Variants in PAQR4 observed in about 807,000 individuals in gnomAD.
The protein encoded by PAQR4 is progestin and adipoQ receptor family member 4.
Under a neutral mutation model 20.9 loss-of-function variants are expected in PAQR4, and 26 were observed. That is an observed-to-expected ratio of 1.24 (90% CI 0.91 to 1.73). The LOEUF (loss-of-function observed/expected upper bound fraction) is 1.73, where lower values mean the gene tolerates loss of function less well. Among genes scored for constraint, PAQR4 ranks in the 40% most tolerant of loss-of-function variants. PAQR4 has a pLI of 0.00. For missense variants in PAQR4, 400 were observed against 380.1 expected (o/e 1.05, Z -0.44); for synonymous variants, 193 against 171.6 (o/e 1.12, Z -0.97).
rs745853549 is a variant in PAQR4 at position 2,973,138 on chromosome 16, C to A, written c.*1190C>A. 1.1e-5 allele frequency: 17 copies of A among 1,552,854 alleles called. No homozygotes were observed. The highest frequency in any genetic ancestry group is 1.9e-5 in the Admixed American group (1 of 51,752). On this transcript the variant is annotated 3_prime_UTR_variant, in exon 3 of 3. Coordinates refer to ENST00000318782, the MANE Select transcript of PAQR4 (RefSeq NM_152341.5). ...CACCCCAGCCCCTGGACCTGCTTAC[C>A]TGGGTGTGCACCTGCTCCGGGGGGT...
In PAQR4 at chr16:2,972,459, A is replaced by C; in HGVS notation, c.*511A>C. On this transcript the variant is annotated 3_prime_UTR_variant, in exon 3 of 3. Coordinates refer to ENST00000318782, the MANE Select transcript of PAQR4 (RefSeq NM_152341.5). ...ACTATGGAGTAAGGCATTCAGGACAAAAGGACCAAGGGGGCGTGGACCCGT... is the reference window on the plus strand; with the variant it reads ...ACTATGGAGTAAGGCATTCAGGACACAAGGACCAAGGGGGCGTGGACCCGT... 3 of 698,472 alleles carry C rather than the reference A, an allele frequency of 4.3e-6. No individual in the cohort carries two copies. Among genetic ancestry groups the C allele is most frequent in the South Asian group, 3.9e-5 (2 of 51,572 alleles). 43.3% of individuals were successfully genotyped at this position (698,472 alleles called of 1,614,324 possible). A position where few individuals can be genotyped will look rare whatever the true frequency, so the allele number is the denominator to read the frequency against.
Position 2,972,632 on chromosome 16 carries a change from C to T in PAQR4, c.*684C>T. 1.3e-6 allele frequency: 2 copies of T among 1,535,554 alleles called. No individual in the cohort carries two copies. The highest frequency in any genetic ancestry group is 1.4e-5 in the African/African-American group (1 of 73,140). On this transcript the variant is annotated 3_prime_UTR_variant, in exon 3 of 3. Transcript: ENST00000318782. ...CATACTCCCAACAGCTCCAGGTACC[C>T]ACCGGGGGATGTGCCTGCTCAGGAA...
Position 2,973,270 on chromosome 16 carries a change from G to A in PAQR4, c.*1322G>A, listed in dbSNP as rs1295385357. ...TGTCCAGGGCTAGGGAGTGCCGGATGAAACCAGCTCTGTCCCTGTGCAGGC... is the reference window on the plus strand; with the variant it reads ...TGTCCAGGGCTAGGGAGTGCCGGATAAAACCAGCTCTGTCCCTGTGCAGGC... On this transcript the variant is annotated 3_prime_UTR_variant, in exon 3 of 3. Coordinates refer to ENST00000318782, the MANE Select transcript of PAQR4 (RefSeq NM_152341.5). The A allele has an allele frequency of 5.4e-6, 8 of 1,486,184 alleles. No individual in the cohort carries two copies. In the South Asian group the frequency reaches 6.7e-5, roughly 13 times the overall value. The allele number at this position is 1,486,184 out of a possible 1,614,324, so 92.1% of individuals were successfully genotyped here.
Position 2,973,158 on chromosome 16 carries a change from G to T in PAQR4, c.*1210G>T. 6.5e-7 allele frequency: 1 copy of T among 1,540,040 alleles called. No homozygotes were observed. ...CTTACCTGGGTGTGCACCTGCTCCG[G>T]GGGGTGGAGGTGCTCCCCACAGTCC... On this transcript the variant is annotated 3_prime_UTR_variant, in exon 3 of 3. Transcript: ENST00000318782.
At position 2,973,475 on chromosome 16, in the gene PAQR4, G is replaced by C; in HGVS notation, c.*1527G>C. On this transcript the variant is annotated 3_prime_UTR_variant, in exon 3 of 3. Coordinates refer to ENST00000318782, the MANE Select transcript of PAQR4 (RefSeq NM_152341.5). ...GAGGCAGATTTGAAATAAACTTTTA[G>C]TAAATGTAAGCCTTTCTGGAACTTC... 7 of 1,493,850 alleles carry C rather than the reference G, an allele frequency of 4.7e-6. No homozygotes were observed. Among genetic ancestry groups the C allele is most frequent in the Non-Finnish European group, 6.3e-6 (7 of 1,119,636 alleles). The allele number at this position is 1,493,850 out of a possible 1,614,324, so 92.5% of individuals were successfully genotyped here. A position where few individuals can be genotyped will look rare whatever the true frequency, so the allele number is the denominator to read the frequency against.
rs1044636069 is a variant in PAQR4 at position 2,972,686 on chromosome 16, T to G, written c.*738T>G. 6 of 1,535,738 alleles carry G rather than the reference T, an allele frequency of 3.9e-6. No homozygotes were observed. The African/African-American group carries it at 8.2e-5, about 21-fold the overall frequency. ...TCTTTGCTCCACACAGCATGGGGCT[T>G]CAGCTGCTGGCCCAAGGCCAGGAGC... On this transcript the variant is annotated 3_prime_UTR_variant, in exon 3 of 3. Coordinates refer to ENST00000318782, the MANE Select transcript of PAQR4 (RefSeq NM_152341.5).
At position 2,971,501 on chromosome 16, in the gene PAQR4, C is replaced by A. The variant is rs1229939926; in HGVS notation, c.389-14C>A. On this transcript the variant is annotated splice_polypyrimidine_tract_variant and intron_variant, in intron 2 of 2. Coordinates refer to ENST00000318782, the MANE Select transcript of PAQR4 (RefSeq NM_152341.5). Reference sequence around the variant, plus strand: ...ACAATGACATGCCCTCTCCTGTTCTCTCCTCTTGTGCAGGGGCCCTGCCCA... The same window carrying A: ...ACAATGACATGCCCTCTCCTGTTCTATCCTCTTGTGCAGGGGCCCTGCCCA... The A allele has an allele frequency of 6.3e-7, 1 of 1,579,380 alleles. No homozygotes were observed. Among genetic ancestry groups the A allele is most frequent in the Non-Finnish European group, 8.6e-7 (1 of 1,167,010 alleles).
intron 1 of PAQR4, among the ~76,000 whole-genome samples, chr16:2,970,523 C>G (rs2071956612): frequency 6.6e-6 from 1 of 152,214 alleles, no homozygotes; most frequent in Non-Finnish European, 1.5e-5. Flanking sequence ...GGAGACCTCC[C>G]AGAAAGGGCT....
chr16:2,971,394 AG>A lies in PAQR4; in HGVS notation c.388+19del. ...AACACCCTTGGTGAGTCAGGGCCCA[AG>A]GGATGGGAGCTGGAGCCACCGGCGG... On this transcript the variant is annotated intron_variant, in intron 2 of 2. Transcript: ENST00000318782. The A allele has an allele frequency of 1.2e-6, 2 of 1,603,356 alleles. No individual in the cohort carries two copies. The highest frequency in any genetic ancestry group is 8.5e-7 in the Non-Finnish European group (1 of 1,178,228).
chr16:2,970,331 C>T (rs1451115165), intron 1 of PAQR4: 1 of 164,220 alleles, frequency 6.1e-6, no homozygotes, highest in African/African-American at 2.4e-5. Flanking sequence ...CCGCGGAGCT[C>T]TGCTGACACA....
Position 2,972,170 on chromosome 16 carries a change from CTG to C in PAQR4, c.*226_*227del. 4 of 573,924 alleles carry C rather than the reference CTG, an allele frequency of 7.0e-6. No homozygotes were observed. Among genetic ancestry groups the C allele is most frequent in the Admixed American group, 6.7e-5 (2 of 29,960 alleles). 35.6% of individuals were successfully genotyped at this position (573,924 alleles called of 1,614,324 possible). A position where few individuals can be genotyped will look rare whatever the true frequency, so the allele number is the denominator to read the frequency against. On this transcript the variant is annotated 3_prime_UTR_variant, in exon 3 of 3. Transcript: ENST00000318782. ...CTTTTCCCTCCAAGCTCCTATTTTA[CTG>C]TGTCAGCTGGAAGGAAACCTTTCCC...
rs572756044 is a variant in PAQR4, at chr16:2,972,636, G to A, written c.*688G>A. The A allele has an allele frequency of 2.0e-5, 30 of 1,535,412 alleles. No homozygotes were observed. Among genetic ancestry groups the A allele is most frequent in the Admixed American group, 1.6e-4 (8 of 50,956 alleles). ...CTCCCAACAGCTCCAGGTACCCACC[G>A]GGGGATGTGCCTGCTCAGGAAACCT... On this transcript the variant is annotated 3_prime_UTR_variant, in exon 3 of 3. Coordinates refer to ENST00000318782, the MANE Select transcript of PAQR4 (RefSeq NM_152341.5).
chr16:2,971,257 C>T lies in PAQR4; in HGVS notation c.267C>T (p.Cys89=). ...TGGGAGGCACACATTGCGTGGCCTG[C>T]CTTGCACCCCCTGCAGGCTCCGTGC... The part of the protein sequence containing the change: ...GWLGGTHCVA[C]LAPPAGSVLY... The change falls in exon 2 of 3, where the codon TGC becomes TGT. Residue 89 remains cysteine, a synonymous_variant. Transcript: ENST00000318782. 1 of 1,613,118 alleles carries T rather than the reference C, an allele frequency of 6.2e-7. No individual in the cohort carries two copies. The highest frequency in any genetic ancestry group is 1.1e-5 in the South Asian group (1 of 91,086).
chr16:2,972,812 G>A lies in PAQR4; in HGVS notation c.*864G>A, dbSNP rs1567381148. 1.3e-6 allele frequency: 2 copies of A among 1,538,838 alleles called. No individual in the cohort carries two copies. The highest frequency in any genetic ancestry group is 1.4e-5 in the African/African-American group (1 of 72,792). On this transcript the variant is annotated 3_prime_UTR_variant, in exon 3 of 3. Coordinates refer to ENST00000318782, the MANE Select transcript of PAQR4 (RefSeq NM_152341.5). Reference sequence around the variant, plus strand: ...CATGTTGCCACATGAGCAAGCTTGGGTGCTCCCAAGGTTCAAATACTTTTT... The same window carrying A: ...CATGTTGCCACATGAGCAAGCTTGGATGCTCCCAAGGTTCAAATACTTTTT...
chr16:2,969,911 G>A (rs2071934807), intron 1 of PAQR4, 71 bp downstream of exon 1: 5 of 1,575,366 alleles, frequency 3.2e-6, no homozygotes, highest in African/African-American at 2.8e-5. Context: ...GGGGCACTGA[G>A]GCCGAGGAGG....
At chr16:2,969,917 G>C (rs984626363) in intron 1 of PAQR4, 77 bp downstream of exon 1, 8 of 1,573,086 alleles carry the variant, frequency 5.1e-6, no homozygotes, top group East Asian at 4.8e-5. Flanking sequence ...CTGAGGCCGA[G>C]GAGGGCCCCA....
rs1208092587 is a variant in PAQR4 at position 2,972,970 on chromosome 16, T to C, written c.*1022T>C. The C allele has an allele frequency of 6.2e-7, 1 of 1,608,318 alleles. No individual in the cohort carries two copies. The highest frequency in any genetic ancestry group is 8.5e-7 in the Non-Finnish European group (1 of 1,178,462). ...TCTGGGGCTCAGGTTGGGTCTAGGG[T>C]GTCCTCAAACAGGCTGAGGAGGTTC... On this transcript the variant is annotated 3_prime_UTR_variant, in exon 3 of 3. Coordinates refer to ENST00000318782, the MANE Select transcript of PAQR4 (RefSeq NM_152341.5).
At position 2,971,562 on chromosome 16, in the gene PAQR4, C is replaced by T. The variant is rs147746550; in HGVS notation, c.436C>T (p.Arg146Cys). The T allele has an allele frequency of 8.1e-5, 129 of 1,596,246 alleles. 1 individual carries two copies. In the South Asian group the frequency reaches 1.1e-3, roughly 14 times the overall value. Residue 146 changes from arginine to cysteine, a missense_variant, in exon 3 of 3, where the codon CGC (arginine) becomes TGC (cysteine). Coordinates refer to ENST00000318782, the MANE Select transcript of PAQR4 (RefSeq NM_152341.5). The part of the protein sequence containing the change: ...HCTLACRPWL[R>C]PAALVGYTVL... ...CACCCTGGCCTGCAGGCCCTGGCTG[C>T]GCCCGGCTGCCCTGGTGGGCTACAC...
rs772113802 is a variant in PAQR4, at chr16:2,973,074, G to A, written c.*1126G>A. ...TAGGTCCAGGGCATCCCTGGGAGGA[G>A]AGAGTAGTGACACTCAGGATCCAAA... On this transcript the variant is annotated 3_prime_UTR_variant, in exon 3 of 3. Transcript: ENST00000318782. 1 of 1,589,448 alleles carries A rather than the reference G, an allele frequency of 6.3e-7. No homozygotes were observed. The highest frequency in any genetic ancestry group is 8.6e-7 in the Non-Finnish European group (1 of 1,167,784).
Sources: allele counts gnomAD v4.1 joint callset (sites outside exome capture counted in the v4.1 genomes callset), GRCh38; gene constraint gnomAD v4.1.1; transcripts MANE v1.5; gene names NCBI Gene and HGNC (gene_info 2026-07-23, HGNC 2026-07-21).